LGI2: variants seen among roughly 807,000 people sequenced by gnomAD.
The protein encoded by LGI2 is leucine-rich repeat LGI family member 2.
LGI2 carries 30 observed loss-of-function variants against 52.0 expected under a neutral mutation model. The ratio of observed to expected loss-of-function variants is 0.58; its 90% confidence interval spans 0.43 to 0.78. The LOEUF (loss-of-function observed/expected upper bound fraction) is 0.78. Ranked by LOEUF, LGI2 falls within the 30% of genes least tolerant of loss-of-function variation. LGI2 has a pLI of 0.00. For synonymous variants in LGI2, 270 were observed against 271.8 expected (o/e 0.99, Z 0.06); for missense variants, 573 against 692.5 (o/e 0.83, Z 1.94).
chr4:25,003,913 G>T lies in LGI2; in HGVS notation c.1176C>A (p.Arg392=), dbSNP rs182425425. 6.2e-7 allele frequency: 1 copy of T among 1,614,192 alleles called. No individual in the cohort carries two copies. Among genetic ancestry groups the T allele is most frequent in the East Asian group, 2.2e-5 (1 of 44,868 alleles). Reference sequence around the variant, plus strand: ...ACTGGAGGATGATGGGGACCTGGGAGCGGCTGGACAGGATGAGATGCGATT... The same window carrying T: ...ACTGGAGGATGATGGGGACCTGGGATCGGCTGGACAGGATGAGATGCGATT... ...DGKSHLILSS[R]SQVPIILQWN... is the part of the protein sequence containing the mutation. The change falls in exon 8 of 8, where the codon CGC becomes CGA. Residue 392 remains arginine, a synonymous_variant. Coordinates refer to ENST00000382114, the MANE Select transcript of LGI2 (RefSeq NM_018176.4).
rs570587480 is a variant in LGI2, at chr4:25,018,590, G to A, written c.486-432C>T. On this transcript the variant is annotated intron_variant, in intron 5 of 7. Coordinates refer to ENST00000382114, the MANE Select transcript of LGI2 (RefSeq NM_018176.4). Reference sequence around the variant, plus strand: ...AAACTACGTCCAGTAGGCCAGGCACGGTGGCTCATGCCTGTAATTCTAGCA... The same window carrying A: ...AAACTACGTCCAGTAGGCCAGGCACAGTGGCTCATGCCTGTAATTCTAGCA... Among the ~76,000 whole-genome samples, 12 of 152,280 alleles carry A rather than the reference G, an allele frequency of 7.9e-5. No individual in the cohort carries two copies. The South Asian group carries it at 2.3e-3, about 29-fold the overall frequency.
chr4:25,026,933 C>T lies in LGI2; in HGVS notation c.276G>A (p.Leu92=). The part of the protein sequence containing the change: ...SHLPSLQLLL[L]NSNSFTIIRD... Reference sequence around the variant, plus strand: ...GGATGATCGTGAATGAGTTAGAATTCAGCAATCTGAAAGTAAGAGACAGAT... The same window carrying T: ...GGATGATCGTGAATGAGTTAGAATTTAGCAATCTGAAAGTAAGAGACAGAT... The change falls in exon 3 of 8, where the codon CTG becomes CTA. Residue 92 remains leucine, a synonymous_variant. Transcript: ENST00000382114. 6.2e-7 allele frequency: 1 copy of T among 1,612,764 alleles called. No individual in the cohort carries two copies. Among genetic ancestry groups the T allele is most frequent in the Non-Finnish European group, 8.5e-7 (1 of 1,178,788 alleles).
chr4:25,012,157 A>G (rs1229146715), intron 7 of LGI2, among the ~76,000 whole-genome samples, 178 bp downstream of exon 7: 1 of 152,168 alleles, frequency 6.6e-6, no homozygotes, highest in Non-Finnish European at 1.5e-5. Context: ...CTCTCTCAGT[A>G]ATGGACCACA....
intron 3 of LGI2, among the ~76,000 whole-genome samples, chr4:25,025,333 C>G (rs1474241821): frequency 1.3e-5 from 2 of 152,182 alleles, no homozygotes; most frequent in South Asian, 2.1e-4. Context: ...TTTTACATCT[C>G]CACATTAAAG....
intron 7 of LGI2, among the ~76,000 whole-genome samples, chr4:25,008,551 CTCA>C (rs749546119): frequency 0.18 from 11,599 of 65,232 alleles, 648 homozygotes; most frequent in African/African-American, 0.33. Flanking sequence ...GAGACTCTGT[CTCA>C]AAAAAAAAAA....
chr4:25,003,492 T>A lies in LGI2; in HGVS notation c.1597A>T (p.Thr533Ser). 6.2e-7 allele frequency: 1 copy of A among 1,601,466 alleles called. No individual in the cohort carries two copies. The highest frequency in any genetic ancestry group is 1.4e-5 in the African/African-American group (1 of 73,666). Residue 533 changes from threonine (T) to serine (S), a missense_variant, in exon 8 of 8, where the codon ACA becomes TCA. By Grantham distance (58) the Thr-to-Ser change is moderately conservative. Transcript: ENST00000382114. ...ACAATTATATGTTCAAAAATCTTTGTTTTCCCTTTGAAACTGGATGCAAAA... is the reference window on the plus strand; with the variant it reads ...ACAATTATATGTTCAAAAATCTTTGATTTCCCTTTGAAACTGGATGCAAAA... The part of the protein sequence containing the change: ...FFFASSFKGK[T>S]KIFEHIIVDL...
rs1188141795 is a variant in LGI2, at chr4:24,998,865, T to G, written c.*4586A>C. The G allele has an allele frequency of 6.6e-6, 1 of 152,206 alleles. No individual in the cohort carries two copies. The highest frequency in any genetic ancestry group is 1.5e-5 in the Non-Finnish European group (1 of 68,038). 9.4% of individuals were successfully genotyped at this position (152,206 alleles called of 1,614,324 possible). A position where few individuals can be genotyped will look rare whatever the true frequency, so the allele number is the denominator to read the frequency against. On this transcript the variant is annotated 3_prime_UTR_variant, in exon 8 of 8. Transcript: ENST00000382114. ...AACCATATTAGGCATGAACCACTTTTTATTCATAGGCTTACCGAATATATT... is the reference window on the plus strand; with the variant it reads ...AACCATATTAGGCATGAACCACTTTGTATTCATAGGCTTACCGAATATATT...
chr4:25,024,957 G>A, intron 3 of LGI2, 66 bp from the exon 4 acceptor site: 1 of 1,056,940 alleles, frequency 9.5e-7, no homozygotes, highest in African/African-American at 1.6e-5. Flanking sequence ...AAACTATGTT[G>A]GTAAGCTTTC....
Position 25,001,011 on chromosome 4 carries a change from G to C in LGI2, c.*2440C>G, listed in dbSNP as rs1468164832. On this transcript the variant is annotated 3_prime_UTR_variant, in exon 8 of 8. Transcript: ENST00000382114. ...AGCACAGGCGCTCTGTAGACTACAGGCTTTAGTCTTGTATAAAATAACATT... is the reference window on the plus strand; with the variant it reads ...AGCACAGGCGCTCTGTAGACTACAGCCTTTAGTCTTGTATAAAATAACATT... 2.6e-5 allele frequency: 4 copies of C among 152,196 alleles called. No homozygotes were observed. The highest frequency in any genetic ancestry group is 4.4e-5 in the Non-Finnish European group (3 of 68,056). 9.4% of individuals were successfully genotyped at this position (152,196 alleles called of 1,614,324 possible).
downstream of LGI2, among the ~76,000 whole-genome samples, chr4:24,998,305 G>A (rs780605154): frequency 3.9e-5 from 6 of 152,142 alleles, no homozygotes; most frequent in Admixed American, 6.5e-5. Flanking sequence ...TCAGAAGCCC[G>A]ATAGCATATG....
chr4:25,024,639 T>C (rs1020636503), intron 4 of LGI2, among the ~76,000 whole-genome samples, 181 bp downstream of exon 4: 6 of 152,186 alleles, frequency 3.9e-5, no homozygotes, highest in Non-Finnish European at 8.8e-5. Flanking sequence ...GAGATGATAA[T>C]AAAGACAAGT....
At chr4:24,997,646 C>T (rs1215250824), downstream of LGI2, among the ~76,000 whole-genome samples, 3 of 152,116 alleles carry the variant, frequency 2.0e-5, no homozygotes, top group South Asian at 2.1e-4. Flanking sequence ...TGGTTAGTAT[C>T]GATTCTGAGC....
chr4:25,026,879 A>G lies in LGI2; in HGVS notation c.330T>C (p.His110=). The G allele has an allele frequency of 6.2e-7, 1 of 1,612,542 alleles. No homozygotes were observed. The highest frequency in any genetic ancestry group is 1.1e-5 in the South Asian group (1 of 91,056). ...AGCACAAAACTTACAGGTATTCAAG[A>G]TGAAAAAGTCCAGCAAAAGCATCAT... is the stretch of plus-strand genomic sequence containing the variant. ...IRDDAFAGLF[H]LEYLFIEGNK... The change falls in exon 3 of 8, where the codon CAT becomes CAC. Residue 110 remains histidine, a synonymous_variant. Transcript: ENST00000382114.
At chr4:25,015,254 C>G (rs1725723242) in intron 6 of LGI2, among the ~76,000 whole-genome samples, 1 of 152,218 alleles carries the variant, frequency 6.6e-6, no homozygotes, top group Non-Finnish European at 1.5e-5. Flanking sequence ...CATTATTTCT[C>G]TGTGCATTTT....
At chr4:24,996,110 G>A (rs754696198), downstream of LGI2, among the ~76,000 whole-genome samples, 17 of 152,156 alleles carry the variant, frequency 1.1e-4, no homozygotes, top group Admixed American at 2.0e-4. Flanking sequence ...CAGGGGTACC[G>A]TAAAGATCAG....
intron 6 of LGI2, among the ~76,000 whole-genome samples, chr4:25,014,432 C>A (rs1725685930): frequency 6.6e-6 from 1 of 151,698 alleles, no homozygotes; most frequent in African/African-American, 2.4e-5. Flanking sequence ...ATTGTTAAAT[C>A]ATTTGAATTA....
the LGI2 span, among the ~76,000 whole-genome samples, chr4:24,993,054 T>C: frequency 1.3e-5 from 2 of 152,244 alleles, no homozygotes; most frequent in African/African-American, 4.8e-5. Flanking sequence ...TTAACTTCTC[T>C]GTGCCTCTGT....
chr4:25,018,822 A>G (rs1277907880), intron 5 of LGI2, among the ~76,000 whole-genome samples: 1 of 151,864 alleles, frequency 6.6e-6, no homozygotes, highest in East Asian at 1.9e-4. Context: ...AGATCATACC[A>G]TTTCACTCTA....
chr4:25,014,586 G>T (rs1725694070), intron 6 of LGI2, among the ~76,000 whole-genome samples: 1 of 150,590 alleles, frequency 6.6e-6, no homozygotes, highest in Non-Finnish European at 1.5e-5. Context: ...AATCCTGGCA[G>T]CTTGGGAGGC....
Sources: gnomAD v4.1 joint callset for allele counts (sites outside exome capture counted in the v4.1 genomes callset) on GRCh38, gnomAD v4.1.1 for gene constraint, MANE v1.5 for transcripts, NCBI Gene and HGNC (gene_info 2026-07-23, HGNC 2026-07-21) for gene names.